DHX37: variants seen among roughly 807,000 people sequenced by gnomAD.
The protein encoded by DHX37 is DEAH-box helicase 37, also known as probable ATP-dependent RNA helicase DHX37.
DHX37 carries 52 observed loss-of-function variants against 134.3 expected under a neutral mutation model. The observed-to-expected ratio is 0.39, with a 90% CI of 0.31 to 0.49. The LOEUF (loss-of-function observed/expected upper bound fraction) is 0.49. Ranked by LOEUF, DHX37 falls within the 20% of genes least tolerant of loss-of-function variation. The pLI, the probability that DHX37 is intolerant of heterozygous loss-of-function variation, is 0.93. For synonymous variants in DHX37, 634 were observed against 670.7 expected, an observed-to-expected ratio of 0.95 and a Z score of 0.85; for missense variants, 1,344 against 1,580.8, an observed-to-expected ratio of 0.85 and a Z score of 2.54.
intron 5 of DHX37, among the ~76,000 whole-genome samples, chr12:124,976,493 C>T (rs190486060): frequency 2.0e-5 from 3 of 152,268 alleles, no homozygotes; most frequent in Non-Finnish European, 4.4e-5. Context: ...GGGTGGATCA[C>T]ATGAGGTCAG....
At chr12:124,982,122 CAA>C (rs1224123465) in intron 3 of DHX37, among the ~76,000 whole-genome samples, 1 of 117,468 alleles carries the variant, frequency 8.5e-6, no homozygotes. Flanking sequence ...GACTCTGTCT[CAA>C]AAAAAAAAAA....
rs77275085 is a variant in DHX37, at chr12:124,977,398, G to A, written c.831C>T (p.Thr277=). The A allele has an allele frequency of 1.1e-3, 1,808 of 1,608,740 alleles. 24 individuals are homozygous for A. In the African/African-American group the frequency reaches 0.02, roughly 18 times the overall value. Residue 277 remains threonine (T), a synonymous_variant, in exon 5 of 27, where the codon ACC becomes ACT. Coordinates refer to ENST00000308736, the MANE Select transcript of DHX37 (RefSeq NM_032656.4). ...EHPIVIVCGE[T]GSGKTTQVPQ... Reference sequence around the variant, plus strand: ...GCACCTGTGTGGTCTTCCCGCTGCCGGTCTCACCACACACGATGACGATGG... The same window carrying A: ...GCACCTGTGTGGTCTTCCCGCTGCCAGTCTCACCACACACGATGACGATGG...
intron 6 of DHX37, among the ~76,000 whole-genome samples, chr12:124,974,773 T>C (rs1288278739): frequency 6.6e-6 from 1 of 150,530 alleles, no homozygotes; most frequent in African/African-American, 2.4e-5. Flanking sequence ...ACTTACCGCC[T>C]GAAGATTTTT....
intron 26 of DHX37, 86 bp from the exon 27 acceptor site, chr12:124,947,973 T>C (rs1466344830): frequency 1.2e-6 from 2 of 1,612,402 alleles, no homozygotes; most frequent in Non-Finnish European, 1.7e-6. Flanking sequence ...CCAGCAGCCG[T>C]GGGGCCAGAT....
At chr12:124,948,907 C>G (rs1315378202) in intron 25 of DHX37, among the ~76,000 whole-genome samples, 2 of 152,198 alleles carry the variant, frequency 1.3e-5, no homozygotes, top group East Asian at 3.9e-4. Flanking sequence ...CCCACCTCCT[C>G]CCATCCACCC....
At chr12:124,952,986 G>GACTAAGCCTCCAACT (rs549049318) in intron 20 of DHX37, 305 of 153,818 alleles carry the variant, frequency 2.0e-3, no homozygotes, top group Middle Eastern at 6.6e-3. Flanking sequence ...AGGCAGAGGT[G>GACTAAGCCTCCAACT]ACTAAGCCTC....
intron 15 of DHX37, among the ~76,000 whole-genome samples, chr12:124,962,988 C>A (rs568381654): frequency 6.6e-6 from 1 of 152,206 alleles, no homozygotes; most frequent in Non-Finnish European, 1.5e-5. Context: ...TACGGCCCAG[C>A]GGTTCTCTTA....
chr12:124,953,790 G>A (rs7299198), intron 20 of DHX37, 90 bp downstream of exon 20: 909,966 of 1,520,986 alleles, frequency 0.6, 276,428 homozygotes, highest in East Asian at 0.83. Context: ...GTTTGCAAAC[G>A]TGGACTCTAT....
chr12:124,961,406 A>G (rs1594484593), intron 15 of DHX37, among the ~76,000 whole-genome samples: 1 of 152,342 alleles, frequency 6.6e-6, no homozygotes, highest in Non-Finnish European at 1.5e-5. Flanking sequence ...ATTAGGATCT[A>G]ATATCCAGAT....
At chr12:124,960,504 C>T (rs1391035932) in intron 15 of DHX37, 81 bp from the exon 16 acceptor site, 8 of 1,555,014 alleles carry the variant, frequency 5.1e-6, no homozygotes, top group Admixed American at 3.9e-5. Context: ...CAGACAGAAA[C>T]CGGGACAACA....
In DHX37 at chr12:124,950,557, G is replaced by GC; in HGVS notation, c.2984-8dup. The GC allele has an allele frequency of 6.5e-7, 1 of 1,546,042 alleles. No individual in the cohort carries two copies. Among genetic ancestry groups the GC allele is most frequent in the Non-Finnish European group, 8.7e-7 (1 of 1,147,220 alleles). On this transcript the variant is annotated splice_polypyrimidine_tract_variant and splice_region_variant and intron_variant, in intron 22 of 26. Coordinates refer to ENST00000308736, the MANE Select transcript of DHX37 (RefSeq NM_032656.4). ...ACCTCCACGCTAGAGACGCCTGGGG[G>GC]CCGGGGGAGGAAGCTGGGGTTACAG...
rs546675633 is a variant in DHX37, at chr12:124,960,526, G to C, written c.2046-103C>G. 33 of 1,512,242 alleles carry C rather than the reference G, an allele frequency of 2.2e-5. No individual in the cohort carries two copies. The East Asian group carries it at 6.7e-4, about 31-fold the overall frequency. 93.7% of individuals were successfully genotyped at this position (1,512,242 alleles called of 1,614,324 possible). A position where few individuals can be genotyped will look rare whatever the true frequency, so the allele number is the denominator to read the frequency against. ...AAACCGGGACAACAAACAAAACTCA[G>C]TCATGCCACTGGGACTGGATCTTCA... On this transcript the variant is annotated intron_variant, in intron 15 of 26. Coordinates refer to ENST00000308736, the MANE Select transcript of DHX37 (RefSeq NM_032656.4).
chr12:124,961,235 CACAT>C (rs1416128275), intron 15 of DHX37, among the ~76,000 whole-genome samples: 6 of 141,576 alleles, frequency 4.2e-5, no homozygotes, highest in Non-Finnish European at 7.7e-5. Context: ...CACGCACACA[CACAT>C]ACACGCGTGC....
At chr12:124,964,145 A>C (rs977661079) in intron 15 of DHX37, among the ~76,000 whole-genome samples, 4 of 148,316 alleles carry the variant, frequency 2.7e-5, no homozygotes, top group African/African-American at 1.0e-4. Context: ...CAGTGAGTCG[A>C]GATCACGCCA....
Position 124,980,039 on chromosome 12 carries a change from T to C in DHX37, c.738+451A>G, listed in dbSNP as rs1954723285. Among the ~76,000 whole-genome samples the C allele has an allele frequency of 1.3e-5, 2 of 152,334 alleles. No homozygotes were observed. The highest frequency in any genetic ancestry group is 6.5e-5 in the Admixed American group (1 of 15,304). ...CATCACAACCCAGTGAGACACTCAT[T>C]GTACCAGGAAGGAAACAGGCACAGA... On this transcript the variant is annotated intron_variant, in intron 4 of 26. Transcript: ENST00000308736. The surrounding 1 kb of genome is among the most constrained non-coding windows in gnomAD (Gnocchi z 5.3).
At chr12:124,984,938 C>T (rs901774785) in intron 2 of DHX37, among the ~76,000 whole-genome samples, 6 of 152,084 alleles carry the variant, frequency 3.9e-5, no homozygotes, top group South Asian at 2.1e-4. Context: ...TATCTGAGCG[C>T]GACCTAAATC....
intron 18 of DHX37, among the ~76,000 whole-genome samples, chr12:124,955,991 T>C (rs1381001849): frequency 6.6e-6 from 1 of 152,236 alleles, no homozygotes; most frequent in Non-Finnish European, 1.5e-5. Flanking sequence ...GATTCCCCAG[T>C]GTCCACCTAA....
intron 4 of DHX37, among the ~76,000 whole-genome samples, chr12:124,977,926 T>C (rs78201816): frequency 0.035 from 5,324 of 152,284 alleles, 133 homozygotes; most frequent in Admixed American, 0.065. Flanking sequence ...ACACATTTTA[T>C]ATCATGACTC....
At chr12:124,966,152 C>A (rs73229571) in intron 12 of DHX37, among the ~76,000 whole-genome samples, 2 of 152,152 alleles carry the variant, frequency 1.3e-5, no homozygotes, top group African/African-American at 2.4e-5. Context: ...GGTGCCTTCA[C>A]GCAGAGGCTA....
Sources: gnomAD v4.1 joint callset for allele counts (sites outside exome capture counted in the v4.1 genomes callset) on GRCh38, gnomAD v4.1.1 for gene constraint, Gnocchi (gnomAD v3.1) non-coding constraint, MANE v1.5 for transcripts, NCBI Gene and HGNC (gene_info 2026-07-23, HGNC 2026-07-21) for gene names.